The following HPS4 variants were observed in gnomAD, a reference collection of about 807,000 sequenced individuals.
HPS4 encodes the protein HPS4 biogenesis of lysosomal organelles complex 3 subunit 2, also known as BLOC-3 complex member HPS4.
A neutral mutation model predicts 70.3 loss-of-function variants in HPS4; 44 were observed. The ratio of observed to expected loss-of-function variants is 0.63; its 90% confidence interval spans 0.49 to 0.80. The LOEUF (loss-of-function observed/expected upper bound fraction) is 0.80, where lower values mean the gene tolerates loss of function less well. Ranked by LOEUF, HPS4 falls within the 30% of genes least tolerant of loss-of-function variation. HPS4 has a pLI of 0.00. For missense variants in HPS4, 873 were observed against 884.4 expected, an observed-to-expected ratio of 0.99 and a Z score of 0.16; for synonymous variants, 377 against 355.9, an observed-to-expected ratio of 1.06 and a Z score of -0.67.
chr22:26,459,930 G>A (rs1176306472), intron 11 of HPS4, among the ~76,000 whole-genome samples: 1 of 152,166 alleles, frequency 6.6e-6, no homozygotes, highest in Non-Finnish European at 1.5e-5. Flanking sequence ...CAACAGCTAT[G>A]TAAGAAAAAT....
At chr22:26,443,329 T>C, downstream of HPS4, 1 of 767,622 alleles carries the variant, frequency 1.3e-6, no homozygotes, top group Non-Finnish European at 2.2e-6. Flanking sequence ...GGAAAGCTCT[T>C]ATTTGGGATT....
intron 11 of HPS4, among the ~76,000 whole-genome samples, chr22:26,460,015 T>C (rs909275338): frequency 2.2e-4 from 33 of 152,362 alleles, no homozygotes; most frequent in Non-Finnish European, 4.9e-4. Context: ...CATGTTATTT[T>C]GGGAGTATAT....
chr22:26,474,314 G>A (rs1355023961), intron 4 of HPS4, among the ~76,000 whole-genome samples: 4 of 151,782 alleles, frequency 2.6e-5, no homozygotes, highest in African/African-American at 9.7e-5. Context: ...AGGAACCAAA[G>A]GGAAATCCAA....
At chr22:26,443,763 G>C (rs2084879496), downstream of HPS4, 1 of 152,432 alleles carries the variant, frequency 6.6e-6, no homozygotes, top group South Asian at 2.1e-4. Flanking sequence ...TCAGTAGCCA[G>C]GTGGAGGGGC....
At chr22:26,454,263 C>T (rs1012079307) in intron 13 of HPS4, among the ~76,000 whole-genome samples, 6 of 152,222 alleles carry the variant, frequency 3.9e-5, no homozygotes, top group Non-Finnish European at 7.3e-5. Flanking sequence ...CTTCTCACAG[C>T]CCTGTGGGAG....
chr22:26,463,361 T>A (rs555608161), intron 11 of HPS4, among the ~76,000 whole-genome samples: 1 of 152,348 alleles, frequency 6.6e-6, no homozygotes, highest in African/African-American at 2.4e-5. Context: ...CAACCCAGGC[T>A]GTGACACACT....
chr22:26,478,868 G>A (rs1182286760), intron 3 of HPS4, among the ~76,000 whole-genome samples: 3 of 152,028 alleles, frequency 2.0e-5, no homozygotes, highest in African/African-American at 7.3e-5. Flanking sequence ...ATTTTTAGTA[G>A]AGACAGGGTT....
downstream of HPS4, among the ~76,000 whole-genome samples, chr22:26,449,323 ATTTTTTTT>A (rs35895945): frequency 3.6e-5 from 3 of 83,316 alleles, no homozygotes; most frequent in African/African-American, 1.0e-4. Flanking sequence ...ACTCCCCTGC[ATTTTTTTT>A]TTTTTTTTTT....
At position 26,483,779 on chromosome 22, in the gene HPS4, G is replaced by T; in HGVS notation, c.-584C>A. On this transcript the variant is annotated 5_prime_UTR_variant, in exon 1 of 14. In the 5' UTR this introduces an upstream ATG that the reference lacks. Transcript: ENST00000398145. ...CTGCCCCGTACCTGCGCGCGCGGCA[G>T]AGAGGCCTTAGGTCACGCGCCGCCC... 2 of 755,290 alleles carry T rather than the reference G, an allele frequency of 2.6e-6. No homozygotes were observed. Among genetic ancestry groups the T allele is most frequent in the Non-Finnish European group, 3.7e-6 (2 of 541,208 alleles). 46.8% of individuals were successfully genotyped at this position (755,290 alleles called of 1,614,324 possible).
chr22:26,460,604 C>T (rs1278477438), intron 11 of HPS4, among the ~76,000 whole-genome samples: 4 of 152,230 alleles, frequency 2.6e-5, no homozygotes, highest in African/African-American at 9.6e-5. Context: ...TTCTGCCTAA[C>T]TTGCACTCAA....
At chr22:26,473,134 T>C (rs936976725) in intron 4 of HPS4, among the ~76,000 whole-genome samples, 195 bp from the exon 5 acceptor site, 2 of 152,226 alleles carry the variant, frequency 1.3e-5, no homozygotes, top group Admixed American at 6.5e-5. Flanking sequence ...CCTCAATTCA[T>C]GTTTTCCAAT....
Position 26,482,042 on chromosome 22 carries a change from ATTCCTC to A in HPS4, c.-286_-281del. Reference sequence around the variant, plus strand: ...GAATCCTAGCAGAAAAGTCAAATCCATTCCTCTGGTTTCCTAAGTATCACTGTGGCT... The same window carrying A: ...GAATCCTAGCAGAAAAGTCAAATCCATGGTTTCCTAAGTATCACTGTGGCT... On this transcript the variant is annotated 5_prime_UTR_variant, in exon 2 of 14. The change creates a new upstream start codon in the 5' untranslated region. Coordinates refer to ENST00000398145, the MANE Select transcript of HPS4 (RefSeq NM_022081.6). 1 of 454,144 alleles carries A rather than the reference ATTCCTC, an allele frequency of 2.2e-6. No individual in the cohort carries two copies. Among genetic ancestry groups the A allele is most frequent in the South Asian group, 2.1e-5 (1 of 46,684 alleles). The allele number at this position is 454,144 out of a possible 1,614,324, so 28.1% of individuals were successfully genotyped here. A position where few individuals can be genotyped will look rare whatever the true frequency, so the allele number is the denominator to read the frequency against.
At chr22:26,443,410 A>ATT, downstream of HPS4, 96 of 426,158 alleles carry the variant, frequency 2.3e-4, no homozygotes, top group Middle Eastern at 6.4e-4. Context: ...ATTTCCTTAG[A>ATT]TTTTTTTTTT....
At position 26,451,974 on chromosome 22, in the gene HPS4, TGCGCCCACGTTACGCGCGCGCGCGC is replaced by T; in HGVS notation, c.*1234_*1258del. ...TGAACCCAGGGAAGGAAAAGAGGGA[TGCGCCCACGTTACGCGCGCGCGCGC>T]GCGCGCACACACACACACACACACA... On this transcript the variant is annotated 3_prime_UTR_variant, in exon 14 of 14. Coordinates refer to ENST00000398145, the MANE Select transcript of HPS4 (RefSeq NM_022081.6). 1 of 182,746 alleles carries T rather than the reference TGCGCCCACGTTACGCGCGCGCGCGC, an allele frequency of 5.5e-6. No individual in the cohort carries two copies. The highest frequency in any genetic ancestry group is 6.3e-5 in the Admixed American group (1 of 15,960). 11.3% of individuals were successfully genotyped at this position (182,746 alleles called of 1,614,324 possible).
chr22:26,464,087 A>G lies in HPS4; in HGVS notation c.1543T>C (p.Cys515Arg), dbSNP rs148134252. The change falls in exon 11 of 14, where the codon TGT becomes CGT. Residue 515 changes from cysteine to arginine, a missense_variant. Cys to Arg is a radical substitution (Grantham distance 180, BLOSUM62 -3). Coordinates refer to ENST00000398145, the MANE Select transcript of HPS4 (RefSeq NM_022081.6). ...GLECSSGSAN[C>R]QGAGPSADGI... Reference sequence around the variant, plus strand: ...TCTGCAGAGGGGCCAGCACCCTGACAGTTTGCTGAGCCTGAACTGCATTCC... The same window carrying G: ...TCTGCAGAGGGGCCAGCACCCTGACGGTTTGCTGAGCCTGAACTGCATTCC... The G allele has an allele frequency of 4.1e-4, 668 of 1,614,266 alleles. No individual in the cohort carries two copies. The highest frequency in any genetic ancestry group is 4.9e-4 in the Middle Eastern group (3 of 6,062).
At chr22:26,466,413 C>G (rs995752497) in intron 8 of HPS4, 151 bp from the exon 9 acceptor site, 9 of 831,906 alleles carry the variant, frequency 1.1e-5, no homozygotes, top group African/African-American at 3.4e-5. Context: ...GCAGATGGAA[C>G]AGAAGCTCCC....
At chr22:26,458,397 C>T (rs769915929) in intron 12 of HPS4, 48 bp downstream of exon 12, 1 of 1,611,712 alleles carries the variant, frequency 6.2e-7, no homozygotes, top group Non-Finnish European at 8.5e-7. Context: ...CTCCACCCAT[C>T]TAGAATCTGG....
At chr22:26,472,982 T>G in intron 4 of HPS4, 43 bp from the exon 5 acceptor site, 1 of 1,566,298 alleles carries the variant, frequency 6.4e-7, no homozygotes, top group Non-Finnish European at 8.8e-7. Context: ...TTCCTTCTCT[T>G]TGAGTCCAAG....
At chr22:26,478,641 T>C (rs1200796558) in intron 3 of HPS4, among the ~76,000 whole-genome samples, 1 of 151,976 alleles carries the variant, frequency 6.6e-6, no homozygotes, top group Non-Finnish European at 1.5e-5. Context: ...TGAGGGTTCA[T>C]GATACTTGCC....
Sources: gnomAD v4.1 joint callset for allele counts (sites outside exome capture counted in the v4.1 genomes callset) on GRCh38, gnomAD v4.1.1 for gene constraint, MANE v1.5 for transcripts, NCBI Gene and HGNC (gene_info 2026-07-23, HGNC 2026-07-21) for gene names.